The following LOXL2 variants were observed in gnomAD, a reference collection of about 807,000 sequenced individuals.
LOXL2 encodes lysyl oxidase homolog 2.
A neutral mutation model predicts 93.0 loss-of-function variants in LOXL2; 70 were observed. The ratio of observed to expected loss-of-function variants is 0.75; its 90% CI spans 0.62 to 0.92. LOXL2 has a LOEUF of 0.92. Ranked by LOEUF, LOXL2 falls within the 40% of genes least tolerant of loss-of-function variation. The pLI is 0.00. For synonymous variants in LOXL2, 438 were observed against 413.2 expected, an observed-to-expected ratio of 1.06 and a Z score of -0.73; for missense variants, 973 against 1,054.9, an observed-to-expected ratio of 0.92 and a Z score of 1.08.
chr8:23,389,005 G>A (rs1040845784), intron 1 of LOXL2, among the ~76,000 whole-genome samples: 2 of 152,114 alleles, frequency 1.3e-5, no homozygotes, highest in African/African-American at 4.8e-5. Context: ...GGAAGACATT[G>A]TTAGCCCTTG....
At chr8:23,313,201 C>T (rs1371236571) in intron 9 of LOXL2, among the ~76,000 whole-genome samples, 1 of 152,130 alleles carries the variant, frequency 6.6e-6, no homozygotes, top group South Asian at 2.1e-4. Flanking sequence ...GAATCAGTAT[C>T]GTGAAAATGG....
chr8:23,318,444 CACACACACACACACACAA>C (rs1307948155), intron 8 of LOXL2, among the ~76,000 whole-genome samples: 4 of 146,050 alleles, frequency 2.7e-5, no homozygotes, highest in African/African-American at 5.5e-5. Context: ...CACACACACA[CACACACACACACACACAA>C]AAATACACAT....
intron 9 of LOXL2, among the ~76,000 whole-genome samples, chr8:23,313,683 C>T (rs1384854304): frequency 8.6e-4 from 130 of 150,568 alleles, no homozygotes; most frequent in Non-Finnish European, 1.6e-3. Context: ...AGACCTAAAA[C>T]CATAAAAACC....
In LOXL2 at chr8:23,303,294, C is replaced by T; in HGVS notation, c.1984G>A (p.Glu662Lys). ...TCCGCTCAGATACCTCCTTCACATT[C>T]TGTGTCCTCCAAGCAGAAGCTGGCC... ...HKASFCLEDT[E>K]CEGDIQKNYE... is the part of the protein sequence containing the mutation. The change falls in exon 11 of 14, where the codon GAA (glutamate) becomes AAA (lysine). Residue 662 changes from glutamate (E) to lysine (K), a missense_variant. Physicochemically the swap from Glu to Lys is moderately conservative, Grantham distance 56 (BLOSUM62 1). Coordinates refer to ENST00000389131, the MANE Select transcript of LOXL2 (RefSeq NM_002318.3). 3 of 1,611,408 alleles carry T rather than the reference C, an allele frequency of 1.9e-6. No homozygotes were observed. Among genetic ancestry groups the T allele is most frequent in the Non-Finnish European group, 2.5e-6 (3 of 1,177,876 alleles).
chr8:23,312,329 G>T (rs567165032), intron 9 of LOXL2, among the ~76,000 whole-genome samples: 6,697 of 138,292 alleles, frequency 0.048, 178 homozygotes, highest in African/African-American at 0.083. Context: ...TACCAAAGCT[G>T]GGCAGAGACA....
At chr8:23,364,355 G>C (rs901181719) in intron 2 of LOXL2, 1 of 152,160 alleles carries the variant, frequency 6.6e-6, no homozygotes, top group African/African-American at 2.4e-5. Flanking sequence ...TCAAACTTTG[G>C]ACACAAGAAA....
chr8:23,315,396 G>A (rs1803378993), intron 9 of LOXL2, among the ~76,000 whole-genome samples: 1 of 152,162 alleles, frequency 6.6e-6, no homozygotes, highest in Non-Finnish European at 1.5e-5. Flanking sequence ...GCCAAGAGCT[G>A]TGTTCCTGGC....
rs780155009 is a variant in LOXL2, at chr8:23,383,664, T to TTTG, written c.-83-15231_-83-15230insCAA. Among the ~76,000 whole-genome samples, 166 of 97,464 alleles carry TTTG rather than the reference T, an allele frequency of 1.7e-3. 3 individuals carry two copies. In the East Asian group the frequency reaches 0.023, roughly 14 times the overall value. The allele number at this position is 97,464 out of a possible 152,430, so 63.9% of individuals were successfully genotyped here. On this transcript the variant is annotated intron_variant, in intron 1 of 13. Transcript: ENST00000389131. Reference sequence around the variant, plus strand: ...CTTTTACGTTTTTTTTTTGTTTTTTTTTTTTTTTTTTTTTGAGACAGAGTC... The same window carrying TTTG: ...CTTTTACGTTTTTTTTTTGTTTTTTTTTGTTTTTTTTTTTTTTGAGACAGAGTC...
intron 5 of LOXL2, among the ~76,000 whole-genome samples, chr8:23,329,345 ATTAGAGT>A (rs1803637020): frequency 6.6e-6 from 1 of 152,242 alleles, no homozygotes. Context: ...AGGGTGGAGA[ATTAGAGT>A]TTAAACACCC....
chr8:23,401,973 T>A (rs1400902187), intron 1 of LOXL2, among the ~76,000 whole-genome samples: 1 of 152,218 alleles, frequency 6.6e-6, no homozygotes, highest in East Asian at 1.9e-4. Flanking sequence ...AACACAAAGT[T>A]ACAGGGAAGC....
chr8:23,353,295 G>A (rs1804127289), intron 3 of LOXL2, among the ~76,000 whole-genome samples: 1 of 152,174 alleles, frequency 6.6e-6, no homozygotes, highest in Non-Finnish European at 1.5e-5. Context: ...GGTTTGGTTG[G>A]GGCTCTGTTT....
intron 3 of LOXL2, among the ~76,000 whole-genome samples, chr8:23,346,156 T>TAAAATAAATA (rs1803977234): frequency 2.0e-5 from 1 of 50,304 alleles, no homozygotes; most frequent in African/African-American, 8.4e-5. Context: ...TAAAATAAAA[T>TAAAATAAATA]AAAAAATAAA....
At chr8:23,319,319 C>G (rs938520690) in intron 8 of LOXL2, among the ~76,000 whole-genome samples, 1 of 152,150 alleles carries the variant, frequency 6.6e-6, no homozygotes, top group Non-Finnish European at 1.5e-5. Context: ...CTCAGCTGTT[C>G]TCAGCTGAGT....
chr8:23,360,676 G>A (rs1804274638), intron 2 of LOXL2, among the ~76,000 whole-genome samples: 1 of 152,146 alleles, frequency 6.6e-6, no homozygotes, highest in South Asian at 2.1e-4. Context: ...ACAGCTGTGT[G>A]CAGATTAGAG....
chr8:23,369,774 G>A (rs949078419), intron 1 of LOXL2, among the ~76,000 whole-genome samples: 2 of 152,144 alleles, frequency 1.3e-5, no homozygotes, highest in African/African-American at 4.8e-5. Context: ...AGTGATGGAG[G>A]GTTCCTGTGA....
At chr8:23,361,883 A>G (rs1361440630) in intron 2 of LOXL2, among the ~76,000 whole-genome samples, 1 of 151,982 alleles carries the variant, frequency 6.6e-6, no homozygotes, top group Non-Finnish European at 1.5e-5. Context: ...AAAACAGAAA[A>G]TGACAGTGCT....
At chr8:23,372,969 G>A (rs1171144961) in intron 1 of LOXL2, among the ~76,000 whole-genome samples, 2 of 152,112 alleles carry the variant, frequency 1.3e-5, no homozygotes, top group African/African-American at 2.4e-5. Flanking sequence ...AACATATAAT[G>A]ATACAAACAT....
At chr8:23,323,711 G>GAA (rs146443435) in intron 6 of LOXL2, among the ~76,000 whole-genome samples, 11 of 148,654 alleles carry the variant, frequency 7.4e-5, no homozygotes, top group Non-Finnish European at 1.3e-4. Flanking sequence ...TTTTTGGGGG[G>GAA]GTGGGGGTGG....
intron 3 of LOXL2, among the ~76,000 whole-genome samples, chr8:23,344,212 G>A (rs976168361): frequency 3.3e-5 from 5 of 152,268 alleles, no homozygotes; most frequent in Non-Finnish European, 7.3e-5. Flanking sequence ...AGTTTCCTCC[G>A]CTGAATAGGG....
Sources: gnomAD v4.1 joint callset for allele counts (sites outside exome capture counted in the v4.1 genomes callset) on GRCh38, gnomAD v4.1.1 for gene constraint, MANE v1.5 for transcripts, NCBI Gene and HGNC (gene_info 2026-07-23, HGNC 2026-07-21) for gene names.